The following FAM222A variants were observed in gnomAD, a reference collection of about 807,000 sequenced individuals.
FAM222A encodes protein FAM222A.
FAM222A carries 7 observed loss-of-function variants against 25.8 expected under a neutral mutation model. The ratio of observed to expected loss-of-function variants is 0.27; its 90% CI spans 0.15 to 0.51. The LOEUF (loss-of-function observed/expected upper bound fraction) is 0.51. Among genes scored for constraint, FAM222A ranks in the 20% least tolerant of loss-of-function variants. The pLI, the probability that FAM222A is intolerant of heterozygous loss-of-function variation, is 0.97. For missense variants in FAM222A, 573 were observed against 640.5 expected (o/e 0.89, Z 1.14); for synonymous variants, 294 against 298.8 (o/e 0.98, Z 0.17).
At chr12:109,744,760 A>G in intron 2 of FAM222A, 1 of 985,308 alleles carries the variant, frequency 1.0e-6, no homozygotes, top group Non-Finnish European at 1.2e-6. Flanking sequence ...AGCTATCATA[A>G]TTTCTTTTTT....
At chr12:109,766,259 G>A (rs146939659) in intron 2 of FAM222A, among the ~76,000 whole-genome samples, 186 of 152,304 alleles carry the variant, frequency 1.2e-3, no homozygotes, top group Middle Eastern at 6.8e-3. Flanking sequence ...CCTCAGCCCC[G>A]GAAAGCTGTG....
chr12:109,733,452 A>G (rs1300105936), intron 1 of FAM222A, among the ~76,000 whole-genome samples: 3 of 150,916 alleles, frequency 2.0e-5, no homozygotes, highest in Non-Finnish European at 4.4e-5. Context: ...CCCAGGCTGG[A>G]GTGCAGTGGC....
In FAM222A at chr12:109,768,769, C is replaced by A; in HGVS notation, c.840C>A (p.Asp280Glu). The change falls in exon 3 of 3, where the codon GAC becomes GAA. Residue 280 changes from aspartate (D) to glutamate (E), a missense_variant. Transcript: ENST00000538780. ...AGAAKPAGYA[D>E]SGLDYLLWPQ... ...CCGCCAAGCCTGCAGGGTACGCAGA[C>A]AGCGGCCTGGATTACCTGCTGTGGC... The A allele has an allele frequency of 6.3e-7, 1 of 1,581,024 alleles. No individual in the cohort carries two copies. Among genetic ancestry groups the A allele is most frequent in the Non-Finnish European group, 8.6e-7 (1 of 1,169,166 alleles).
At chr12:109,730,621 T>G (rs907267192) in intron 1 of FAM222A, among the ~76,000 whole-genome samples, 1 of 152,206 alleles carries the variant, frequency 6.6e-6, no homozygotes, top group Non-Finnish European at 1.5e-5. Flanking sequence ...AAGCTCTGTC[T>G]GACCTGGGAT....
intron 1 of FAM222A, among the ~76,000 whole-genome samples, chr12:109,724,666 G>A (rs1592778360): frequency 6.6e-6 from 1 of 152,148 alleles, no homozygotes; most frequent in Non-Finnish European, 1.5e-5. Flanking sequence ...TCAAACTGTC[G>A]GTCCTCCCTC....
At chr12:109,727,229 G>A (rs560163596) in intron 1 of FAM222A, among the ~76,000 whole-genome samples, 48 of 152,266 alleles carry the variant, frequency 3.2e-4, no homozygotes, top group Admixed American at 2.2e-3. Context: ...CGGGCCGGGC[G>A]GCCAGCAGAG....
chr12:109,734,519 A>T (rs1193639755), intron 1 of FAM222A: 1 of 151,288 alleles, frequency 6.6e-6, no homozygotes, highest in African/African-American at 2.4e-5. Context: ...GTTCCCTGTC[A>T]TGTCGGTGCA....
chr12:109,752,173 G>T (rs1185090927), intron 2 of FAM222A, among the ~76,000 whole-genome samples: 1 of 152,228 alleles, frequency 6.6e-6, no homozygotes, highest in Non-Finnish European at 1.5e-5. Flanking sequence ...TGGGCCTGAT[G>T]ACCTGGGCTG....
At chr12:109,762,563 C>T (rs1179821289) in intron 2 of FAM222A, among the ~76,000 whole-genome samples, 16 of 152,232 alleles carry the variant, frequency 1.1e-4, no homozygotes, top group Non-Finnish European at 2.1e-4. Context: ...GGCTCACCCA[C>T]TTCCTTCATG....
At chr12:109,716,673 C>A (rs1410053812) in intron 1 of FAM222A, among the ~76,000 whole-genome samples, 1 of 152,198 alleles carries the variant, frequency 6.6e-6, no homozygotes, top group African/African-American at 2.4e-5. Context: ...GGAGTGCGCG[C>A]CAGAGATTCA....
chr12:109,722,666 A>G (rs1360740737), intron 1 of FAM222A: 1 of 152,054 alleles, frequency 6.6e-6, no homozygotes, highest in African/African-American at 2.4e-5. Flanking sequence ...CCACTCCCCT[A>G]CCCTGCTGCC....
At chr12:109,718,088 G>C (rs1276174640) in intron 1 of FAM222A, among the ~76,000 whole-genome samples, 1 of 152,208 alleles carries the variant, frequency 6.6e-6, no homozygotes, top group Non-Finnish European at 1.5e-5. Context: ...CACTGTGCAG[G>C]GTCTGGTGAG....
rs116925474 is a variant in FAM222A at position 109,758,891 on chromosome 12, C to T, written c.83-9121C>T. On this transcript the variant is annotated intron_variant, in intron 2 of 2. Transcript: ENST00000538780. ...ATTTCAACACAGGTAATACCCTGAG[C>T]CCTAACAAAGGAGGCAGTAGACAAA... Among the ~76,000 whole-genome samples, 86 of 152,324 alleles carry T rather than the reference C, an allele frequency of 5.6e-4. 1 individual carries two copies. In the East Asian group the frequency reaches 0.014, roughly 25 times the overall value.
rs931752514 is a variant in FAM222A at position 109,744,807 on chromosome 12, A to G, written c.82+579A>G. Reference sequence around the variant, plus strand: ...TAGAAACGGAGATTTGCATTAAAATATGGATTTCTACTATCTCTTGAAAAA... The same window carrying G: ...TAGAAACGGAGATTTGCATTAAAATGTGGATTTCTACTATCTCTTGAAAAA... On this transcript the variant is annotated intron_variant, in intron 2 of 2. Transcript: ENST00000538780. The G allele has an allele frequency of 1.0e-5, 10 of 981,332 alleles. No individual in the cohort carries two copies. The African/African-American group carries it at 1.8e-4, about 17-fold the overall frequency. The allele number at this position is 981,332 out of a possible 1,614,324, so 60.8% of individuals were successfully genotyped here. A position where few individuals can be genotyped will look rare whatever the true frequency, so the allele number is the denominator to read the frequency against.
intron 2 of FAM222A, among the ~76,000 whole-genome samples, chr12:109,745,418 G>A (rs2136347702): frequency 6.6e-6 from 1 of 152,330 alleles, no homozygotes. Context: ...GGTAAACCCT[G>A]GATGTGTCAC....
rs1311864518 is a variant in FAM222A, at chr12:109,770,306, CCTGGCCCCT to C, written c.*1024_*1032del. On this transcript the variant is annotated 3_prime_UTR_variant, in exon 3 of 3. Coordinates refer to ENST00000538780, the MANE Select transcript of FAM222A (RefSeq NM_032829.3). ...GAGTCCCCTCACGAAGTCCTCAAGT[CCTGGCCCCT>C]CTGGCGCTCTGGAAGCGGTACTGTA... 3 of 152,702 alleles carry C rather than the reference CCTGGCCCCT, an allele frequency of 2.0e-5. No homozygotes were observed. The highest frequency in any genetic ancestry group is 6.5e-5 in the Admixed American group (1 of 15,282). The allele number at this position is 152,702 out of a possible 1,614,324, so 9.5% of individuals were successfully genotyped here. A position where few individuals can be genotyped will look rare whatever the true frequency, so the allele number is the denominator to read the frequency against.
intron 1 of FAM222A, among the ~76,000 whole-genome samples, chr12:109,743,271 G>A (rs978252173): frequency 5.9e-5 from 9 of 152,218 alleles, no homozygotes; most frequent in Non-Finnish European, 7.3e-5. Flanking sequence ...TCAGGAATGT[G>A]CCTGGGCCTC....
chr12:109,740,548 G>A (rs559453454), intron 1 of FAM222A, among the ~76,000 whole-genome samples: 1 of 152,308 alleles, frequency 6.6e-6, no homozygotes, highest in South Asian at 2.1e-4. Context: ...ATGCCAGGCA[G>A]GGAGGGGGCA....
At chr12:109,744,342 AG>A (rs1566191656) in intron 2 of FAM222A, 114 bp downstream of exon 2, 5 of 1,439,388 alleles carry the variant, frequency 3.5e-6, no homozygotes, top group Admixed American at 2.6e-5. Flanking sequence ...ATGCTCTCTT[AG>A]GCCCCCAGGC....
Sources: allele counts gnomAD v4.1 joint callset (sites outside exome capture counted in the v4.1 genomes callset), GRCh38; gene constraint gnomAD v4.1.1; transcripts MANE v1.5; gene names NCBI Gene and HGNC (gene_info 2026-07-23, HGNC 2026-07-21).